Variants in TANC2 observed in about 807,000 individuals in gnomAD.
TANC2 encodes tetratricopeptide repeat, ankyrin repeat and coiled-coil containing 2.
TANC2 carries 26 observed loss-of-function variants against 210.5 expected under a neutral mutation model. The ratio of observed to expected loss-of-function variants is 0.12; its 90% CI spans 0.09 to 0.17. The LOEUF is 0.17. TANC2 is among the 10% of genes least tolerant of loss of function. The pLI is 1.00. For synonymous variants in TANC2, 931 were observed against 967.1 expected, an observed-to-expected ratio of 0.96 and a Z score of 0.69; for missense variants, 2,129 against 2,608.9, an observed-to-expected ratio of 0.82 and a Z score of 4.01.
At chr17:63,041,556 T>A (rs1415946974) in intron 2 of TANC2, among the ~76,000 whole-genome samples, 1 of 152,198 alleles carries the variant, frequency 6.6e-6, no homozygotes, top group African/African-American at 2.4e-5. Flanking sequence ...ATCTTAATCA[T>A]TGAACATTTT....
At chr17:63,039,575 A>G (rs1354358599) in intron 2 of TANC2, among the ~76,000 whole-genome samples, 1 of 152,138 alleles carries the variant, frequency 6.6e-6, no homozygotes, top group African/African-American at 2.4e-5. Flanking sequence ...TGTTCTGACA[A>G]TTTCTCCACT....
intron 3 of TANC2, among the ~76,000 whole-genome samples, chr17:63,083,025 A>G (rs1269477407): frequency 6.6e-6 from 1 of 152,202 alleles, no homozygotes; most frequent in Non-Finnish European, 1.5e-5. Flanking sequence ...TAAAACCATT[A>G]AACACTGTCC....
At chr17:63,058,524 A>G (rs936206097) in intron 2 of TANC2, among the ~76,000 whole-genome samples, 5 of 152,062 alleles carry the variant, frequency 3.3e-5, no homozygotes, top group Admixed American at 1.3e-4. Flanking sequence ...GGGATTACCT[A>G]GGTTGTCTTC....
intron 19 of TANC2, among the ~76,000 whole-genome samples, chr17:63,404,696 G>A (rs1487407582): frequency 1.3e-5 from 2 of 151,886 alleles, no homozygotes; most frequent in Non-Finnish European, 2.9e-5. Flanking sequence ...GCTGGAGGTA[G>A]TTCCCAGCTA....
chr17:63,061,144 A>G (rs532117652), intron 2 of TANC2, among the ~76,000 whole-genome samples: 84 of 152,258 alleles, frequency 5.5e-4, no homozygotes, highest in Admixed American at 1.4e-3. Flanking sequence ...AGGTGGGCGG[A>G]TCACCTGAGG....
intron 9 of TANC2, among the ~76,000 whole-genome samples, chr17:63,304,597 A>G (rs763274220): frequency 2.8e-4 from 43 of 152,120 alleles, no homozygotes; most frequent in Non-Finnish European, 1.2e-4. Flanking sequence ...TTAACAAAGC[A>G]CTTTGACTGT....
intron 6 of TANC2, among the ~76,000 whole-genome samples, chr17:63,195,851 A>G (rs1014507112): frequency 2.0e-5 from 3 of 152,074 alleles, no homozygotes; most frequent in African/African-American, 7.2e-5. Flanking sequence ...GCTACACCTG[A>G]TCTAGCCACT....
chr17:63,332,425 A>G (rs542433177), intron 11 of TANC2: 7 of 340,224 alleles, frequency 2.1e-5, no homozygotes, highest in South Asian at 1.6e-4. Flanking sequence ...CCTGTTGGTA[A>G]TGAACAGACT....
intron 11 of TANC2, among the ~76,000 whole-genome samples, chr17:63,327,218 G>GA (rs755911099): frequency 4.8e-4 from 73 of 152,298 alleles, no homozygotes; most frequent in Non-Finnish European, 9.4e-4. Flanking sequence ...CCAAAAAGAC[G>GA]AAAGATAAGT....
At chr17:63,267,687 G>A (rs2043571352) in intron 8 of TANC2, 61 bp from the exon 9 acceptor site, 1 of 1,567,816 alleles carries the variant, frequency 6.4e-7, no homozygotes, top group South Asian at 1.2e-5. Flanking sequence ...CGGAGATACA[G>A]ACTAGCTGAA....
intron 2 of TANC2, among the ~76,000 whole-genome samples, chr17:63,040,158 G>A (rs938321981): frequency 6.6e-6 from 1 of 152,188 alleles, no homozygotes; most frequent in Non-Finnish European, 1.5e-5. Flanking sequence ...CTGTAATGCA[G>A]TGTGAGTTCG....
At chr17:63,337,209 A>G (rs1598884509) in intron 11 of TANC2, among the ~76,000 whole-genome samples, 1 of 152,212 alleles carries the variant, frequency 6.6e-6, no homozygotes. Flanking sequence ...TCAAGACTTT[A>G]TATTTGGAAT....
intron 5 of TANC2, among the ~76,000 whole-genome samples, chr17:63,191,766 C>T (rs2041194255): frequency 6.6e-6 from 1 of 151,974 alleles, no homozygotes; most frequent in African/African-American, 2.4e-5. Context: ...CCTGGCCCCA[C>T]CCTTGTTTGT....
rs547020581 is a variant in TANC2, at chr17:63,382,340, A to G, written c.2691+2514A>G. ...TTTCCTCTAGCTCTTAATAAAGCCA[A>G]CTAATGAAACAAACAGCCTAACTTG... On this transcript the variant is annotated intron_variant, in intron 15 of 27. Transcript: ENST00000689528. 3.9e-5 allele frequency among the ~76,000 whole-genome samples: 6 copies of G among 152,328 alleles called. No homozygotes were observed. In the East Asian group the frequency reaches 9.6e-4, roughly 24 times the overall value.
intron 9 of TANC2, among the ~76,000 whole-genome samples, chr17:63,272,329 C>T (rs937459487): frequency 6.6e-6 from 1 of 152,062 alleles, no homozygotes. Context: ...CTGTTTGTAC[C>T]AGTACCATGC....
chr17:63,128,487 T>A (rs1312418755), intron 4 of TANC2, among the ~76,000 whole-genome samples: 1 of 152,226 alleles, frequency 6.6e-6, no homozygotes, highest in Non-Finnish European at 1.5e-5. Flanking sequence ...ATTGACTAGA[T>A]TATACATTTT....
chr17:63,126,855 C>G (rs373815983), intron 4 of TANC2, among the ~76,000 whole-genome samples: 2 of 152,132 alleles, frequency 1.3e-5, no homozygotes, highest in South Asian at 2.1e-4. Flanking sequence ...CCCCACCCCC[C>G]ACTGATTCTT....
At chr17:63,252,400 A>G (rs2043076807) in intron 8 of TANC2, among the ~76,000 whole-genome samples, 1 of 152,026 alleles carries the variant, frequency 6.6e-6, no homozygotes, top group Admixed American at 6.6e-5. Context: ...GTTATTTTTA[A>G]ATGTACAATA....
At chr17:63,114,827 G>A (rs2038191834) in intron 4 of TANC2, among the ~76,000 whole-genome samples, 1 of 152,218 alleles carries the variant, frequency 6.6e-6, no homozygotes, top group African/African-American at 2.4e-5. Flanking sequence ...TAGTAACCAA[G>A]GGGAAGAGCT....
Sources: allele counts gnomAD v4.1 joint callset (sites outside exome capture counted in the v4.1 genomes callset), GRCh38; gene constraint gnomAD v4.1.1; transcripts MANE v1.5; gene names NCBI Gene and HGNC (gene_info 2026-07-23, HGNC 2026-07-21).